The following CNTNAP5 variants were observed in gnomAD, a reference collection of about 807,000 sequenced individuals.
CNTNAP5 encodes contactin-associated protein-like 5.
Under a neutral mutation model 150.2 loss-of-function variants are expected in CNTNAP5, and 72 were observed. That is an observed-to-expected ratio of 0.48 (90% CI 0.40 to 0.58). The LOEUF (loss-of-function observed/expected upper bound fraction) is 0.58. Ranked by LOEUF, CNTNAP5 falls within the 20% of genes least tolerant of loss-of-function variation. The pLI is 0.00. For missense variants in CNTNAP5, 1,636 were observed against 1,626.2 expected, an observed-to-expected ratio of 1.01 and a Z score of -0.10; for synonymous variants, 672 against 619.8, an observed-to-expected ratio of 1.08 and a Z score of -1.25.
intron 12 of CNTNAP5, among the ~76,000 whole-genome samples, chr2:124,622,814 C>CT (rs1200372932): frequency 6.6e-6 from 1 of 152,114 alleles, no homozygotes; most frequent in African/African-American, 2.4e-5. Context: ...CTGAAGTTTG[C>CT]TTTTTTATCA....
At chr2:124,649,374 C>T (rs1171509269) in intron 13 of CNTNAP5, among the ~76,000 whole-genome samples, 3 of 152,176 alleles carry the variant, frequency 2.0e-5, no homozygotes, top group Admixed American at 1.3e-4. Context: ...CGTGCTACCT[C>T]AGCACAGTTC....
chr2:124,425,276 G>T (rs1042186244), intron 4 of CNTNAP5, among the ~76,000 whole-genome samples: 2 of 152,078 alleles, frequency 1.3e-5, no homozygotes, highest in African/African-American at 4.8e-5. Context: ...AAAAAAACAG[G>T]TCAACTACCG....
intron 19 of CNTNAP5, among the ~76,000 whole-genome samples, chr2:124,822,131 C>A (rs1682504613): frequency 2.0e-5 from 3 of 152,086 alleles, no homozygotes; most frequent in East Asian, 1.9e-4. Context: ...TAATTTTACC[C>A]CTGAATGATC....
chr2:124,294,647 A>G (rs114301166), intron 3 of CNTNAP5, among the ~76,000 whole-genome samples: 88 of 152,332 alleles, frequency 5.8e-4, no homozygotes, highest in African/African-American at 2.1e-3. Flanking sequence ...TTGGAGGCTT[A>G]TAGGTCTTTG....
At chr2:124,647,658 G>T in intron 12 of CNTNAP5, 100 bp from the exon 13 acceptor site, 3 of 1,091,796 alleles carry the variant, frequency 2.7e-6, no homozygotes, top group South Asian at 1.7e-5. Context: ...CCGGAGTGTT[G>T]ATTAATGTTG....
chr2:124,166,099 G>T (rs772107495), intron 1 of CNTNAP5, among the ~76,000 whole-genome samples: 1 of 152,036 alleles, frequency 6.6e-6, no homozygotes, highest in Non-Finnish European at 1.5e-5. Context: ...CATGTTTTCT[G>T]GTAGAAACAT....
intron 1 of CNTNAP5, among the ~76,000 whole-genome samples, chr2:124,208,659 G>T (rs962741898): frequency 4.6e-5 from 7 of 152,098 alleles, no homozygotes; most frequent in African/African-American, 1.7e-4. Context: ...CCAGTTTATT[G>T]TCCATTCCTG....
At chr2:124,806,353 T>C (rs1013966977) in intron 19 of CNTNAP5, among the ~76,000 whole-genome samples, 1 of 152,174 alleles carries the variant, frequency 6.6e-6, no homozygotes, top group Non-Finnish European at 1.5e-5. Flanking sequence ...CTCTTCCTGG[T>C]GCATTTCAAA....
intron 17 of CNTNAP5, among the ~76,000 whole-genome samples, chr2:124,777,892 G>C (rs936803486): frequency 2.0e-5 from 3 of 151,788 alleles, no homozygotes; most frequent in African/African-American, 4.8e-5. Flanking sequence ...AGCTCAGAAA[G>C]AGAGGACCCG....
intron 3 of CNTNAP5, among the ~76,000 whole-genome samples, chr2:124,288,518 T>C (rs900585505): frequency 1.3e-5 from 2 of 152,208 alleles, no homozygotes; most frequent in Non-Finnish European, 1.5e-5. Flanking sequence ...GCTTCCTCTA[T>C]AAATTATTTT....
At chr2:124,809,576 A>G (rs541805274) in intron 19 of CNTNAP5, among the ~76,000 whole-genome samples, 5 of 90,528 alleles carry the variant, frequency 5.5e-5, no homozygotes, top group Non-Finnish European at 1.0e-4. Context: ...CCGGCTGGGA[A>G]CATGATCTTT....
intron 3 of CNTNAP5, among the ~76,000 whole-genome samples, chr2:124,330,526 T>C (rs1031511248): frequency 6.6e-6 from 1 of 152,138 alleles, no homozygotes; most frequent in African/African-American, 2.4e-5. Flanking sequence ...CGAGATCTGA[T>C]GGTTTTATAA....
chr2:124,893,033 G>A (rs972208681), intron 21 of CNTNAP5, among the ~76,000 whole-genome samples: 5 of 151,960 alleles, frequency 3.3e-5, no homozygotes, highest in Non-Finnish European at 5.9e-5. Flanking sequence ...TAATAAGTTC[G>A]GGGGGAAAAT....
intron 21 of CNTNAP5, among the ~76,000 whole-genome samples, chr2:124,875,943 G>A (rs974557347): frequency 2.6e-5 from 4 of 152,016 alleles, no homozygotes; most frequent in African/African-American, 9.7e-5. Flanking sequence ...AAGTTTCAAG[G>A]TGTAAGATCT....
At chr2:124,892,490 G>C (rs1328070580) in intron 21 of CNTNAP5, among the ~76,000 whole-genome samples, 1 of 152,070 alleles carries the variant, frequency 6.6e-6, no homozygotes, top group African/African-American at 2.4e-5. Flanking sequence ...AAATTCAAGA[G>C]ACAAAACAAG....
At chr2:124,151,194 A>T (rs748557591) in intron 1 of CNTNAP5, among the ~76,000 whole-genome samples, 28 of 152,268 alleles carry the variant, frequency 1.8e-4, no homozygotes, top group Non-Finnish European at 3.5e-4. Flanking sequence ...TATGGGGTGA[A>T]TTGGGCCGGA....
intron 1 of CNTNAP5, among the ~76,000 whole-genome samples, chr2:124,085,567 C>T (rs1404769502): frequency 6.6e-6 from 1 of 151,986 alleles, no homozygotes; most frequent in Non-Finnish European, 1.5e-5. Context: ...GCTACCTTTG[C>T]TTTCCTTTTT....
chr2:124,190,953 T>G (rs951079693), intron 1 of CNTNAP5, among the ~76,000 whole-genome samples: 8 of 152,218 alleles, frequency 5.3e-5, no homozygotes, highest in African/African-American at 1.9e-4. Flanking sequence ...TACCACTCCA[T>G]GTGTCTATTG....
chr2:124,268,497 C>G (rs1183802612), intron 3 of CNTNAP5, among the ~76,000 whole-genome samples: 1 of 152,136 alleles, frequency 6.6e-6, no homozygotes, highest in African/African-American at 2.4e-5. Flanking sequence ...GTCCTGGGGC[C>G]AAATCGTAAA....
Sources: gnomAD v4.1 joint callset for allele counts (sites outside exome capture counted in the v4.1 genomes callset) on GRCh38, gnomAD v4.1.1 for gene constraint, MANE v1.5 for transcripts, NCBI Gene and HGNC (gene_info 2026-07-23, HGNC 2026-07-21) for gene names.